Variants in ZFP64 observed in about 807,000 individuals in gnomAD.
ZFP64 encodes the protein zinc finger protein 64.
A neutral mutation model predicts 51.6 loss-of-function variants in ZFP64; 14 were observed. That is an observed-to-expected ratio of 0.27 (90% confidence interval 0.18 to 0.42). The LOEUF is 0.42. Ranked by LOEUF, ZFP64 falls within the 10% of genes least tolerant of loss-of-function variation. The probability of loss-of-function intolerance (pLI) is 1.00; values close to 1 mark genes in which losing one functional copy is unlikely to be tolerated. For synonymous variants in ZFP64, 375 were observed against 361.4 expected (o/e 1.04, Z -0.43); for missense variants, 754 against 906.8 (o/e 0.83, Z 2.16).
rs1980796628 is a variant in ZFP64 at position 52,151,540 on chromosome 20, A to T, written c.*606T>A. ...AACCTTTATTAGAGTTGGAAAATCAAGTTGGAAACAAACACATGAATTCAC... is the reference window on the plus strand; with the variant it reads ...AACCTTTATTAGAGTTGGAAAATCATGTTGGAAACAAACACATGAATTCAC... On this transcript the variant is annotated 3_prime_UTR_variant, in exon 6 of 6. Coordinates refer to ENST00000216923, the MANE Select transcript of ZFP64 (RefSeq NM_018197.3). 1 of 985,586 alleles carries T rather than the reference A, an allele frequency of 1.0e-6. No individual in the cohort carries two copies. The highest frequency in any genetic ancestry group is 6.1e-5 in the Admixed American group (1 of 16,296). The allele number at this position is 985,586 out of a possible 1,614,324, so 61.1% of individuals were successfully genotyped here.
intron 5 of ZFP64, among the ~76,000 whole-genome samples, chr20:52,113,935 G>A (rs903366960): frequency 6.6e-6 from 1 of 152,040 alleles, no homozygotes; most frequent in South Asian, 2.1e-4. Flanking sequence ...GTAGTGGTGG[G>A]TACCTGATTT....
intron 5 of ZFP64, chr20:52,117,834 C>T (rs114665783): frequency 4.3e-4 from 167 of 385,522 alleles, no homozygotes; most frequent in African/African-American, 3.4e-3. Context: ...CTTGTTCTGT[C>T]ACTCAGGCTG....
intron 5 of ZFP64, among the ~76,000 whole-genome samples, chr20:52,119,908 A>G (rs1380523025): frequency 6.6e-6 from 1 of 152,042 alleles, no homozygotes; most frequent in Non-Finnish European, 1.5e-5. Flanking sequence ...TATGGCAAAA[A>G]GAATATGATT....
chr20:52,121,064 GTGT>G, intron 5 of ZFP64, among the ~76,000 whole-genome samples: 1 of 152,302 alleles, frequency 6.6e-6, no homozygotes, highest in South Asian at 2.1e-4. Flanking sequence ...TAATTGACAA[GTGT>G]TGTGTGTGTT....
intron 5 of ZFP64, among the ~76,000 whole-genome samples, chr20:52,101,718 T>G (rs1197519302): frequency 6.6e-6 from 1 of 151,984 alleles, no homozygotes; most frequent in Non-Finnish European, 1.5e-5. Context: ...CTCAGGGCCT[T>G]GCATTTTTGA....
chr20:52,133,961 G>A (rs147955475), intron 5 of ZFP64, among the ~76,000 whole-genome samples: 6 of 151,312 alleles, frequency 4.0e-5, no homozygotes, highest in Middle Eastern at 6.8e-3. Context: ...CCCGGGAGGT[G>A]GAGGTTGCAG....
intron 5 of ZFP64, among the ~76,000 whole-genome samples, chr20:52,128,274 AAAT>A (rs918720375): frequency 2.0e-5 from 3 of 152,056 alleles, no homozygotes; most frequent in African/African-American, 7.2e-5. Flanking sequence ...CTCTCTCTAT[AAAT>A]AATAATAATA....
At chr20:52,167,470 C>CCTCCCTCCCTTCCTCCCTCCCTTCTTCT in intron 2 of ZFP64, among the ~76,000 whole-genome samples, 1 of 84,418 alleles carries the variant, frequency 1.2e-5, no homozygotes, top group Non-Finnish European at 2.6e-5. Context: ...AGGCATGTTT[C>CCTCCCTCCCTTCCTCCCTCCCTTCTTCT]CTCCCTCCCT....
chr20:52,105,625 T>G (rs1172629961), intron 5 of ZFP64: 1 of 159,422 alleles, frequency 6.3e-6, no homozygotes, highest in Non-Finnish European at 1.4e-5. Flanking sequence ...CGTTTGCCCA[T>G]TAAAATTTCA....
intron 2 of ZFP64, among the ~76,000 whole-genome samples, chr20:52,172,346 T>C (rs970418425): frequency 6.6e-6 from 1 of 152,060 alleles, no homozygotes; most frequent in Admixed American, 6.6e-5. Flanking sequence ...AATGGGGATA[T>C]TGCAGTGATC....
intron 5 of ZFP64, among the ~76,000 whole-genome samples, chr20:52,106,114 T>A (rs1428510037): frequency 2.0e-5 from 3 of 152,188 alleles, no homozygotes; most frequent in African/African-American, 4.8e-5. Flanking sequence ...CACCGGCTCT[T>A]GGACCACACA....
intron 2 of ZFP64, 100 bp downstream of exon 2, chr20:52,186,732 G>C (rs764418581): frequency 4.4e-4 from 654 of 1,482,954 alleles, no homozygotes; most frequent in Non-Finnish European, 5.5e-4. Context: ...GCAACCCTAG[G>C]GGGTGGGCTC....
At chr20:52,128,772 TACCACTTTC>T (rs1010068079) in intron 5 of ZFP64, among the ~76,000 whole-genome samples, 3 of 152,228 alleles carry the variant, frequency 2.0e-5, no homozygotes, top group African/African-American at 4.8e-5. Context: ...CCACAGTCTT[TACCACTTTC>T]AAAAGTGCCC....
chr20:52,108,506 C>T (rs1373206359), intron 5 of ZFP64, among the ~76,000 whole-genome samples: 1 of 151,048 alleles, frequency 6.6e-6, no homozygotes, highest in African/African-American at 2.5e-5. Context: ...AAGTTTATTA[C>T]CTTTTTTTTT....
At chr20:52,129,041 G>T (rs776774288) in intron 5 of ZFP64, among the ~76,000 whole-genome samples, 1 of 151,192 alleles carries the variant, frequency 6.6e-6, no homozygotes, top group Non-Finnish European at 1.5e-5. Context: ...AGCCTCCCGA[G>T]TAGTTGGGAT....
intron 7 of ZFP64, among the ~76,000 whole-genome samples, chr20:52,094,783 A>G (rs1276506036): frequency 6.6e-6 from 1 of 152,124 alleles, no homozygotes; most frequent in Non-Finnish European, 1.5e-5. Flanking sequence ...AAAATGCAAT[A>G]CATTTGAAAT....
exon 8 of ZFP64, chr20:52,088,414 G>C: frequency 6.2e-7 from 1 of 1,611,684 alleles, no homozygotes; most frequent in South Asian, 1.1e-5. Flanking sequence ...GCAGGTGGAC[G>C]GTGAGCTGGC....
intron 5 of ZFP64, chr20:52,110,829 G>A: frequency 2.5e-6 from 4 of 1,600,672 alleles, no homozygotes; most frequent in Non-Finnish European, 3.4e-6. Flanking sequence ...TCAGCTCCAT[G>A]TTCAGCTTGT....
At chr20:52,097,174 T>C in intron 7 of ZFP64, 1 of 798,522 alleles carries the variant, frequency 1.3e-6, no homozygotes. Flanking sequence ...AGCCACAGGC[T>C]CTGTGTAGCT....
Sources: allele counts gnomAD v4.1 joint callset (sites outside exome capture counted in the v4.1 genomes callset), GRCh38; gene constraint gnomAD v4.1.1; transcripts MANE v1.5; gene names NCBI Gene and HGNC (gene_info 2026-07-23, HGNC 2026-07-21).